The following TANGO2 variants were observed in gnomAD, a reference collection of about 807,000 sequenced individuals.
The protein encoded by TANGO2 is transport and golgi organization 2 homolog, also known as transport and Golgi organization protein 2 homolog.
Under a neutral mutation model 39.1 loss-of-function variants are expected in TANGO2, and 26 were observed. The observed-to-expected ratio is 0.67, with a 90% CI of 0.49 to 0.92. The LOEUF (loss-of-function observed/expected upper bound fraction) is 0.92, where lower values mean the gene tolerates loss of function less well. Among genes scored for constraint, TANGO2 ranks in the 40% least tolerant of loss-of-function variants. The pLI is 0.00. For synonymous variants in TANGO2, 131 were observed against 144.5 expected (o/e 0.91, Z 0.67); for missense variants, 326 against 360.1 (o/e 0.91, Z 0.77).
intron 6 of TANGO2, chr22:20,056,245 C>G (rs185827560): frequency 1.5e-6 from 1 of 684,190 alleles, no homozygotes; most frequent in South Asian, 1.5e-5. Flanking sequence ...AAGGTGCGCC[C>G]CTGTTCTGGG....
chr22:20,063,241 C>T, intron 7 of TANGO2, 97 bp from the exon 8 acceptor site: 1 of 1,011,910 alleles, frequency 9.9e-7, no homozygotes, highest in Non-Finnish European at 1.5e-6. Context: ...CCGGCCACTC[C>T]CCAGAGCCAG....
upstream of TANGO2, among the ~76,000 whole-genome samples, chr22:20,018,659 C>T (rs191793598): frequency 1.1e-4 from 17 of 152,334 alleles, no homozygotes; most frequent in Admixed American, 2.6e-4. Flanking sequence ...GTTGCAGAGA[C>T]CTGTCTGCCC....
At chr22:20,025,548 T>C (rs1328175966) in intron 1 of TANGO2, among the ~76,000 whole-genome samples, 1 of 152,112 alleles carries the variant, frequency 6.6e-6, no homozygotes, top group Non-Finnish European at 1.5e-5. Flanking sequence ...CACCCAGATA[T>C]CTCCCTCGTG....
chr22:20,036,722 T>TG (rs2042913600), intron 1 of TANGO2, 38 bp from the exon 2 acceptor site: 4 of 1,582,392 alleles, frequency 2.5e-6, no homozygotes, highest in Admixed American at 1.7e-5. Context: ...CCTGAGTGTC[T>TG]GCCATCCGCT....
chr22:20,046,500 T>C (rs1479420302), intron 3 of TANGO2, among the ~76,000 whole-genome samples: 1 of 147,204 alleles, frequency 6.8e-6, no homozygotes, highest in Admixed American at 6.8e-5. Context: ...AGTCTTGCTC[T>C]GTCGCTTAGG....
upstream of TANGO2, among the ~76,000 whole-genome samples, chr22:20,020,043 C>T (rs1285962995): frequency 6.6e-6 from 1 of 152,238 alleles, no homozygotes; most frequent in Non-Finnish European, 1.5e-5. Flanking sequence ...CATCCCTGAG[C>T]CCCAGTTTTC....
At chr22:20,020,511 G>C (rs1301848006), upstream of TANGO2, among the ~76,000 whole-genome samples, 2 of 152,074 alleles carry the variant, frequency 1.3e-5, no homozygotes, top group African/African-American at 2.4e-5. Context: ...GCTACACTGG[G>C]GGGTGGAAGT....
At chr22:20,042,254 T>C (rs1465144721) in intron 2 of TANGO2, among the ~76,000 whole-genome samples, 1 of 152,160 alleles carries the variant, frequency 6.6e-6, no homozygotes, top group African/African-American at 2.4e-5. Context: ...CCCAAACTGC[T>C]GGGATTACAG....
intron 8 of TANGO2, 118 bp downstream of exon 8, chr22:20,063,560 G>T: frequency 1.1e-6 from 1 of 922,746 alleles, no homozygotes; most frequent in Non-Finnish European, 1.6e-6. Context: ...CGCCTGAGTG[G>T]ATTCCAGAGC....
intron 6 of TANGO2, 88 bp downstream of exon 6, chr22:20,056,101 A>G: frequency 9.4e-7 from 1 of 1,065,962 alleles, no homozygotes. Context: ...GGCACTTGTC[A>G]TATTACTCTT....
intron 3 of TANGO2, 64 bp downstream of exon 3, chr22:20,043,507 C>T (rs1444534898): frequency 2.6e-6 from 3 of 1,159,284 alleles, no homozygotes; most frequent in South Asian, 2.6e-5. Context: ...CTGCGTGGCC[C>T]GAGTGACCCT....
chr22:20,037,200 CTTGG>C, intron 2 of TANGO2: 1 of 1,317,976 alleles, frequency 7.6e-7, no homozygotes, highest in Non-Finnish European at 1.0e-6. Flanking sequence ...TGAGAGCCAG[CTTGG>C]GCTGGCGGGT....
chr22:20,038,579 G>A (rs531157120), intron 2 of TANGO2, among the ~76,000 whole-genome samples: 167 of 152,338 alleles, frequency 1.1e-3, no homozygotes, highest in African/African-American at 3.9e-3. Flanking sequence ...GACCTGTCCT[G>A]CGGGTCCTGC....
At chr22:20,030,003 C>T (rs542463863) in intron 1 of TANGO2, among the ~76,000 whole-genome samples, 57 of 152,274 alleles carry the variant, frequency 3.7e-4, no homozygotes, top group South Asian at 2.1e-3. Flanking sequence ...CCTTGCTTGT[C>T]TACCAAGTCC....
intron 3 of TANGO2, among the ~76,000 whole-genome samples, chr22:20,046,722 A>G (rs1198340017): frequency 1.3e-5 from 2 of 152,130 alleles, no homozygotes; most frequent in Non-Finnish European, 2.9e-5. Flanking sequence ...GTATACATAC[A>G]TGTGCCATGT....
At chr22:20,061,247 G>A in intron 6 of TANGO2, 2 of 312,010 alleles carry the variant, frequency 6.4e-6, no homozygotes. Flanking sequence ...ATCTCAGGTT[G>A]CTCATTTCTT....
intron 1 of TANGO2, among the ~76,000 whole-genome samples, chr22:20,029,566 A>G (rs1468460545): frequency 6.6e-6 from 1 of 152,114 alleles, no homozygotes; most frequent in Non-Finnish European, 1.5e-5. Context: ...CTTTCCATTC[A>G]TATCTCATAG....
At position 20,064,925 on chromosome 22, in the gene TANGO2, C is replaced by G. The variant is rs1602444223; in HGVS notation, c.*263C>G. 1 of 452,010 alleles carries G rather than the reference C, an allele frequency of 2.2e-6. No individual in the cohort carries two copies. The highest frequency in any genetic ancestry group is 3.8e-5 in the East Asian group (1 of 26,334). The allele number at this position is 452,010 out of a possible 1,614,324, so 28.0% of individuals were successfully genotyped here. A position where few individuals can be genotyped will look rare whatever the true frequency, so the allele number is the denominator to read the frequency against. Reference sequence around the variant, plus strand: ...GTATACCATGAACATGTGGATACACCTGAGCCCACTCTTGCACATGTACAC... The same window carrying G: ...GTATACCATGAACATGTGGATACACGTGAGCCCACTCTTGCACATGTACAC... On this transcript the variant is annotated 3_prime_UTR_variant, in exon 9 of 9. Transcript: ENST00000327374.
rs2048775560 is a variant in TANGO2 at position 20,063,563 on chromosome 22, T to C, written c.710+121T>C. On this transcript the variant is annotated intron_variant, in intron 8 of 8. Transcript: ENST00000327374. Reference sequence around the variant, plus strand: ...AGGCTTCTTCCTCGCCTGAGTGGATTCCAGAGCTTCTGCCCTGTCCAGACG... The same window carrying C: ...AGGCTTCTTCCTCGCCTGAGTGGATCCCAGAGCTTCTGCCCTGTCCAGACG... The C allele has an allele frequency of 3.3e-6, 3 of 901,826 alleles. No homozygotes were observed. The Admixed American group carries it at 7.6e-5, about 23-fold the overall frequency. The allele number at this position is 901,826 out of a possible 1,614,324, so 55.9% of individuals were successfully genotyped here. A position where few individuals can be genotyped will look rare whatever the true frequency, so the allele number is the denominator to read the frequency against.
Sources: allele counts gnomAD v4.1 joint callset (sites outside exome capture counted in the v4.1 genomes callset), GRCh38; gene constraint gnomAD v4.1.1; transcripts MANE v1.5; gene names NCBI Gene and HGNC (gene_info 2026-07-23, HGNC 2026-07-21).